Variants in TSPAN11 observed in about 807,000 individuals in gnomAD.
TSPAN11 encodes tetraspanin-11.
In TSPAN11, 29 loss-of-function variants were observed where a neutral mutation model predicts 32.9. That is an observed-to-expected ratio of 0.88 (90% CI 0.66 to 1.20). The LOEUF (loss-of-function observed/expected upper bound fraction) is 1.20, where lower values mean the gene tolerates loss of function less well. Among genes scored for constraint, TSPAN11 ranks in the 50% most tolerant of loss-of-function variants. The pLI is 0.00. For missense variants in TSPAN11, 283 were observed against 329.1 expected, an observed-to-expected ratio of 0.86 and a Z score of 1.08; for synonymous variants, 140 against 141.3, an observed-to-expected ratio of 0.99 and a Z score of 0.07.
chr12:30,953,223 G>A (rs1938416748), intron 1 of TSPAN11, among the ~76,000 whole-genome samples: 1 of 152,322 alleles, frequency 6.6e-6, no homozygotes, highest in South Asian at 2.1e-4. Context: ...CAAGGACTAT[G>A]TTAAACACTT....
the TSPAN11 span, among the ~76,000 whole-genome samples, chr12:31,005,468 C>A: frequency 6.6e-6 from 1 of 152,186 alleles, no homozygotes; most frequent in African/African-American, 2.4e-5. Context: ...GGGCAGGAGA[C>A]AGACACCCAT....
intron 1 of TSPAN11, among the ~76,000 whole-genome samples, chr12:30,942,291 C>T (rs1938182173): frequency 6.6e-6 from 1 of 152,208 alleles, no homozygotes; most frequent in Non-Finnish European, 1.5e-5. Flanking sequence ...AGCCACCATG[C>T]AAGGGAGACA....
chr12:30,968,666 C>G (rs751763869), intron 3 of TSPAN11, among the ~76,000 whole-genome samples: 1 of 152,074 alleles, frequency 6.6e-6, no homozygotes, highest in Non-Finnish European at 1.5e-5. Flanking sequence ...ATATTTTAAG[C>G]CAAATGAAGA....
At chr12:30,991,100 C>T (rs991039466) in intron 7 of TSPAN11, among the ~76,000 whole-genome samples, 2 of 152,190 alleles carry the variant, frequency 1.3e-5, no homozygotes, top group Non-Finnish European at 2.9e-5. Flanking sequence ...TCCTCCCAGG[C>T]CTGTGTCTGC....
the TSPAN11 span, among the ~76,000 whole-genome samples, chr12:31,005,197 A>T: frequency 6.6e-6 from 1 of 152,186 alleles, no homozygotes; most frequent in Non-Finnish European, 1.5e-5. Flanking sequence ...TATCAATCAG[A>T]CAGCCAACGC....
intron 1 of TSPAN11, among the ~76,000 whole-genome samples, chr12:30,931,141 A>AT (rs903777188): frequency 7.3e-4 from 109 of 149,440 alleles, no homozygotes; most frequent in South Asian, 7.3e-3. Flanking sequence ...TTAGGCATTC[A>AT]TTTTTTTTTT....
intron 3 of TSPAN11, among the ~76,000 whole-genome samples, chr12:30,969,947 C>T (rs1009835992): frequency 6.6e-6 from 1 of 152,164 alleles, no homozygotes; most frequent in African/African-American, 2.4e-5. Context: ...AGGCTCTGAC[C>T]TCTCTGGGCT....
chr12:30,991,566 A>G (rs1394773770), intron 7 of TSPAN11, among the ~76,000 whole-genome samples: 2 of 152,202 alleles, frequency 1.3e-5, no homozygotes, highest in Non-Finnish European at 2.9e-5. Flanking sequence ...AAGAATTGTA[A>G]TAAGGAGGTC....
chr12:30,989,597 C>T (rs1410673507), intron 7 of TSPAN11, among the ~76,000 whole-genome samples: 3 of 152,146 alleles, frequency 2.0e-5, no homozygotes, highest in Admixed American at 2.0e-4. Context: ...TACCCAAGAT[C>T]ACACAGGCCA....
At chr12:30,979,088 C>G (rs923633474) in intron 4 of TSPAN11, among the ~76,000 whole-genome samples, 1 of 152,186 alleles carries the variant, frequency 6.6e-6, no homozygotes, top group Non-Finnish European at 1.5e-5. Context: ...ATCGGGGATT[C>G]GAGGTCATGA....
chr12:30,939,684 G>A (rs1312754757), intron 1 of TSPAN11, among the ~76,000 whole-genome samples: 2 of 152,148 alleles, frequency 1.3e-5, no homozygotes, highest in Non-Finnish European at 2.9e-5. Flanking sequence ...CTGTGGGTCT[G>A]TTTTTAAGGG....
chr12:30,987,864 G>C (rs1018611764), intron 7 of TSPAN11, among the ~76,000 whole-genome samples: 7 of 152,102 alleles, frequency 4.6e-5, no homozygotes, highest in African/African-American at 1.7e-4. Context: ...GACTGTTCCT[G>C]GGAGGTTCCA....
Position 30,965,840 on chromosome 12 carries a change from G to T in TSPAN11, c.276+1823G>T, listed in dbSNP as rs535713585. 4.6e-5 allele frequency among the ~76,000 whole-genome samples: 7 copies of T among 152,228 alleles called. No individual in the cohort carries two copies. The East Asian group carries it at 1.2e-3, about 25-fold the overall frequency. ...GTTCTTTTAGGTGATGGTCAGTCAG[G>T]TGTGGCCACAAGAGGGGGCACAGGA... On this transcript the variant is annotated intron_variant, in intron 3 of 7. Coordinates refer to ENST00000546076, the MANE Select transcript of TSPAN11 (RefSeq NM_001370302.1).
At chr12:31,011,392 T>A in the TSPAN11 span, among the ~76,000 whole-genome samples, 3 of 152,212 alleles carry the variant, frequency 2.0e-5, no homozygotes, top group African/African-American at 7.2e-5. Context: ...GCTGGGGAGC[T>A]TCTCTGACCT....
intron 1 of TSPAN11, among the ~76,000 whole-genome samples, chr12:30,939,585 G>T (rs988838021): frequency 3.9e-5 from 6 of 152,184 alleles, no homozygotes; most frequent in African/African-American, 1.4e-4. Context: ...TCTGAGTTCT[G>T]CAGCAGGAGA....
rs143266004 is a variant in TSPAN11, at chr12:30,931,999, G to A, written c.-12+5203G>A. On this transcript the variant is annotated intron_variant, in intron 1 of 7. Coordinates refer to ENST00000546076, the MANE Select transcript of TSPAN11 (RefSeq NM_001370302.1). ...GGCAAACAGTAGGAATTCAATAAAT[G>A]TTCATTGAATGGACATTTCAGGAAG... is the stretch of plus-strand genomic sequence containing the variant. 4.7e-3 allele frequency among the ~76,000 whole-genome samples: 698 copies of A among 147,912 alleles called. 6 individuals are homozygous for A. Among genetic ancestry groups the A allele is most frequent in the Non-Finnish European group, 7.8e-3 (527 of 67,376 alleles).
rs1459162930 is a variant in TSPAN11 at position 30,945,249 on chromosome 12, G to T, written c.-11-8732G>T. Among the ~76,000 whole-genome samples the T allele has an allele frequency of 2.0e-5, 3 of 152,006 alleles. No homozygotes were observed. In the East Asian group the frequency reaches 5.8e-4, roughly 29 times the overall value. On this transcript the variant is annotated intron_variant, in intron 1 of 7. Transcript: ENST00000546076. ...CTCTGTGTTCCCATTATCAACACAG[G>T]CCAGCATCTTGAAAGCGCTCCCCAG... is the stretch of plus-strand genomic sequence containing the variant.
chr12:30,962,822 C>T (rs1301509221), intron 2 of TSPAN11, among the ~76,000 whole-genome samples: 10 of 152,198 alleles, frequency 6.6e-5, no homozygotes, highest in African/African-American at 1.9e-4. Flanking sequence ...ATGGCAGAGA[C>T]GGTCAGAGGT....
Position 30,975,935 on chromosome 12 carries a change from C to T in TSPAN11, c.277-2626C>T, listed in dbSNP as rs1190605424. Among the ~76,000 whole-genome samples the T allele has an allele frequency of 2.0e-5, 3 of 152,206 alleles. No individual in the cohort carries two copies. The highest frequency in any genetic ancestry group is 7.2e-5 in the African/African-American group (3 of 41,448). On this transcript the variant is annotated intron_variant, in intron 3 of 7. Coordinates refer to ENST00000546076, the MANE Select transcript of TSPAN11 (RefSeq NM_001370302.1). This position sits in a 1 kb window ranked among gnomAD's most constrained non-coding sequence, Gnocchi z 4.5. ...TCCTGTGCAGCAGGAGGGATCCGGC[C>T]TCAGCACCGTAGCTGAGGATGGTGG...
Sources: allele counts gnomAD v4.1 joint callset (sites outside exome capture counted in the v4.1 genomes callset), GRCh38; gene constraint gnomAD v4.1.1; non-coding constraint Gnocchi (gnomAD v3.1); transcripts MANE v1.5; gene names NCBI Gene and HGNC (gene_info 2026-07-23, HGNC 2026-07-21).